PTPRJ: variants seen among roughly 807,000 people sequenced by gnomAD.
PTPRJ encodes the protein protein tyrosine phosphatase receptor type J, also known as receptor-type tyrosine-protein phosphatase eta.
A neutral mutation model predicts 141.3 loss-of-function variants in PTPRJ; 129 were observed. The ratio of observed to expected loss-of-function variants is 0.91; its 90% CI spans 0.79 to 1.06. The LOEUF is 1.06. Among genes scored for constraint, PTPRJ ranks in the 50% least tolerant of loss-of-function variants. The probability of loss-of-function intolerance (pLI) is 0.00; values close to 1 mark genes in which losing one functional copy is unlikely to be tolerated. For missense variants in PTPRJ, 1,601 were observed against 1,679.7 expected, an observed-to-expected ratio of 0.95 and a Z score of 0.82; for synonymous variants, 610 against 640.5, an observed-to-expected ratio of 0.95 and a Z score of 0.72.
intron 1 of PTPRJ, among the ~76,000 whole-genome samples, chr11:48,054,666 GC>G (rs1238707532): frequency 6.6e-6 from 1 of 151,968 alleles, no homozygotes. Context: ...TCACAGTGTG[GC>G]CCCCGGGATT....
chr11:48,084,843 C>T (rs1288606882), intron 1 of PTPRJ, among the ~76,000 whole-genome samples: 1 of 152,018 alleles, frequency 6.6e-6, no homozygotes, highest in Non-Finnish European at 1.5e-5. Flanking sequence ...CATGTTTGTT[C>T]ACAGAGCCAT....
At chr11:48,153,452 C>T (rs1179683331) in intron 18 of PTPRJ, among the ~76,000 whole-genome samples, 1 of 143,050 alleles carries the variant, frequency 7.0e-6, no homozygotes, top group Non-Finnish European at 1.5e-5. Flanking sequence ...GAGACCGCGC[C>T]ACTGCACTCC....
At position 48,144,885 on chromosome 11, in the gene PTPRJ, G is replaced by A. The variant is rs772518466; in HGVS notation, c.2786G>A (p.Arg929Gln). Residue 929 changes from arginine (R) to glutamine (Q), a missense_variant and splice_region_variant, in exon 13 of 25, where the codon CGG (arginine) becomes CAG (glutamine). Coordinates refer to ENST00000418331, the MANE Select transcript of PTPRJ (RefSeq NM_002843.4). ...NGKLEPLGSYRACVAGFTNIT... is the reference protein window; with the variant it reads ...NGKLEPLGSYQACVAGFTNIT... ...AAGCTGGAACCTCTGGGCTCCTACC[G>A]GTAATGTCTTCTGGTTCTTACTCTT... 5.6e-6 allele frequency: 9 copies of A among 1,614,060 alleles called. No individual in the cohort carries two copies. Among genetic ancestry groups the A allele is most frequent in the South Asian group, 2.2e-5 (2 of 91,060 alleles).
At chr11:48,140,523 C>T (rs907970742) in intron 11 of PTPRJ, among the ~76,000 whole-genome samples, 1 of 152,172 alleles carries the variant, frequency 6.6e-6, no homozygotes, top group Non-Finnish European at 1.5e-5. Context: ...TGGACCTTCT[C>T]TGGCCAGCTA....
chr11:48,012,388 T>C (rs1451177358), intron 1 of PTPRJ, among the ~76,000 whole-genome samples: 1 of 152,130 alleles, frequency 6.6e-6, no homozygotes, highest in African/African-American at 2.4e-5. Context: ...GCCATGCCTG[T>C]TCGTTCAGCA....
At chr11:48,130,988 T>A (rs1198457470) in intron 8 of PTPRJ, among the ~76,000 whole-genome samples, 1 of 148,218 alleles carries the variant, frequency 6.7e-6, no homozygotes, top group East Asian at 2.0e-4. Context: ...CAAATATATG[T>A]GTGAGTATAC....
chr11:48,069,343 C>G (rs1283302030), intron 1 of PTPRJ, among the ~76,000 whole-genome samples: 1 of 151,980 alleles, frequency 6.6e-6, no homozygotes, highest in African/African-American at 2.4e-5. Context: ...CAAGAATCCA[C>G]CTGCCTTGGC....
At chr11:48,149,287 T>G (rs1469273797) in intron 15 of PTPRJ, among the ~76,000 whole-genome samples, 160 bp from the exon 16 acceptor site, 2 of 152,132 alleles carry the variant, frequency 1.3e-5, no homozygotes, top group Admixed American at 6.5e-5. Context: ...GTCATTAAGT[T>G]TAGTATTAGG....
chr11:48,019,813 A>G (rs571087265), intron 1 of PTPRJ, among the ~76,000 whole-genome samples: 4 of 152,336 alleles, frequency 2.6e-5, no homozygotes, highest in East Asian at 1.9e-4. Flanking sequence ...AGGCTGGGGT[A>G]GTGGTTCTGG....
intron 1 of PTPRJ, among the ~76,000 whole-genome samples, chr11:48,079,897 C>A (rs376867268): frequency 1.9e-4 from 29 of 152,078 alleles, no homozygotes; most frequent in African/African-American, 6.5e-4. Context: ...TTAAAAGATA[C>A]AAAGAGGAAG....
intron 1 of PTPRJ, among the ~76,000 whole-genome samples, chr11:48,083,114 A>C (rs1222715696): frequency 1.3e-5 from 2 of 152,166 alleles, no homozygotes; most frequent in Non-Finnish European, 2.9e-5. Context: ...CTGTGTCTGC[A>C]AGCATTTTGG....
chr11:48,048,089 T>G (rs1854458240), intron 1 of PTPRJ, among the ~76,000 whole-genome samples: 1 of 152,232 alleles, frequency 6.6e-6, no homozygotes. Context: ...TGGAGGGGGT[T>G]GCAGTTTAGT....
Position 48,051,251 on chromosome 11 carries a change from C to T in PTPRJ, c.97-58807C>T, listed in dbSNP as rs189031810. Among the ~76,000 whole-genome samples, 26 of 152,036 alleles carry T rather than the reference C, an allele frequency of 1.7e-4. No individual in the cohort carries two copies. The East Asian group carries it at 3.9e-3, about 23-fold the overall frequency. Reference sequence around the variant, plus strand: ...CTGGGATTACAGGTGCGCACCACCACGCCTGGCTAATTTTTGTATTTTTGG... The same window carrying T: ...CTGGGATTACAGGTGCGCACCACCATGCCTGGCTAATTTTTGTATTTTTGG... On this transcript the variant is annotated intron_variant, in intron 1 of 24. Transcript: ENST00000418331.
intron 1 of PTPRJ, among the ~76,000 whole-genome samples, chr11:48,012,139 G>T (rs1481966000): frequency 2.6e-5 from 4 of 152,164 alleles, no homozygotes; most frequent in African/African-American, 4.8e-5. Flanking sequence ...GACCTGTGAA[G>T]TGGGTGTTCT....
intron 1 of PTPRJ, among the ~76,000 whole-genome samples, chr11:48,020,348 T>C (rs1449985096): frequency 6.6e-6 from 1 of 152,186 alleles, no homozygotes; most frequent in Non-Finnish European, 1.5e-5. Flanking sequence ...TGTTATGAAA[T>C]ACGGAAATTT....
chr11:48,005,955 C>G (rs527604668), intron 1 of PTPRJ, among the ~76,000 whole-genome samples: 1 of 152,380 alleles, frequency 6.6e-6, no homozygotes, highest in African/African-American at 2.4e-5. Context: ...AGCCAGCTTG[C>G]AGCCACCTGC....
At chr11:48,069,146 C>A (rs113374303) in intron 1 of PTPRJ, among the ~76,000 whole-genome samples, 2,284 of 151,078 alleles carry the variant, frequency 0.015, 58 homozygotes, top group African/African-American at 0.053. Flanking sequence ...GATGCCTAGG[C>A]TGGAGTGCAG....
chr11:48,004,441 G>C (rs1854574653), intron 1 of PTPRJ, among the ~76,000 whole-genome samples: 1 of 152,214 alleles, frequency 6.6e-6, no homozygotes, highest in African/African-American at 2.4e-5. Flanking sequence ...TGTTGTTACT[G>C]TTGTCCTGAG....
chr11:48,143,383 A>G (rs1857278169), intron 12 of PTPRJ, among the ~76,000 whole-genome samples: 1 of 152,196 alleles, frequency 6.6e-6, no homozygotes, highest in African/African-American at 2.4e-5. Flanking sequence ...TTACCATGGC[A>G]GGTGGATTTG....
Sources: allele counts gnomAD v4.1 joint callset (sites outside exome capture counted in the v4.1 genomes callset), GRCh38; gene constraint gnomAD v4.1.1; transcripts MANE v1.5; gene names NCBI Gene and HGNC (gene_info 2026-07-23, HGNC 2026-07-21).